FNDC1: variants seen among roughly 807,000 people sequenced by gnomAD.
The protein encoded by FNDC1 is fibronectin type III domain-containing protein 1.
A neutral mutation model predicts 168.0 loss-of-function variants in FNDC1; 96 were observed. That is an observed-to-expected ratio of 0.57 (90% confidence interval 0.48 to 0.68). The LOEUF (loss-of-function observed/expected upper bound fraction) is 0.68, where lower values mean the gene tolerates loss of function less well. Among genes scored for constraint, FNDC1 ranks in the 30% least tolerant of loss-of-function variants. The probability of loss-of-function intolerance (pLI) is 0.00; values close to 1 mark genes in which losing one functional copy is unlikely to be tolerated. For missense variants in FNDC1, 2,587 were observed against 2,482.1 expected (o/e 1.04, Z -0.90); for synonymous variants, 1,099 against 1,025.9 (o/e 1.07, Z -1.36).
chr6:159,267,250 C>T (rs1425988484), intron 21 of FNDC1, among the ~76,000 whole-genome samples: 2 of 151,992 alleles, frequency 1.3e-5, no homozygotes, highest in Non-Finnish European at 2.9e-5. Flanking sequence ...CTTTCTCTTC[C>T]ATCACTGTCC....
chr6:159,210,838 C>T (rs1472039615), intron 4 of FNDC1, among the ~76,000 whole-genome samples: 2 of 152,156 alleles, frequency 1.3e-5, no homozygotes, highest in Admixed American at 1.3e-4. Context: ...TCACTGCTCC[C>T]GGACACACAT....
At position 159,233,053 on chromosome 6, in the gene FNDC1, C is replaced by G. The variant is rs746615997; in HGVS notation, c.2541C>G (p.Ser847Arg). ...IGRGPRLQPS[S>R]SPQSTVPSRA... ...GGGGACCTCGGCTGCAGCCCTCCAGCTCCCCACAGTCGACTGTGCCCTCCC... is the reference window on the plus strand; with the variant it reads ...GGGGACCTCGGCTGCAGCCCTCCAGGTCCCCACAGTCGACTGTGCCCTCCC... Residue 847 changes from serine (S) to arginine (R), a missense_variant, in exon 11 of 23, where the codon AGC becomes AGG. By Grantham distance (110) the Ser-to-Arg change is moderately radical. Transcript: ENST00000297267. This position sits in a 1 kb window ranked among gnomAD's most constrained non-coding sequence, Gnocchi z 4.6. 6.2e-7 allele frequency: 1 copy of G among 1,610,774 alleles called. No homozygotes were observed. Among genetic ancestry groups the G allele is most frequent in the East Asian group, 2.2e-5 (1 of 44,760 alleles).
Position 159,233,752 on chromosome 6 carries a change from C to CG in FNDC1, c.3241dup (p.Asp1081GlyfsTer109). ...ACGAGGATGCCCAGGGCAGCTACGA[C>CG]GACGACAGCACAGAAGTCGAGGCCC... is the stretch of plus-strand genomic sequence containing the variant. On this transcript the variant is annotated frameshift_variant, in exon 11 of 23. Transcript: ENST00000297267. LOFTEE classifies it high-confidence loss of function. This position sits in a 1 kb window ranked among gnomAD's most constrained non-coding sequence, Gnocchi z 4.6. 6.5e-7 allele frequency: 1 copy of CG among 1,548,230 alleles called. No homozygotes were observed. The highest frequency in any genetic ancestry group is 8.7e-7 in the Non-Finnish European group (1 of 1,146,038).
chr6:159,169,637 G>T lies in FNDC1; in HGVS notation c.41G>T (p.Arg14Leu). 8.7e-7 allele frequency: 1 copy of T among 1,148,136 alleles called. No individual in the cohort carries two copies. The highest frequency in any genetic ancestry group is 4.4e-5 in the East Asian group (1 of 22,860). 71.1% of individuals were successfully genotyped at this position (1,148,136 alleles called of 1,614,324 possible). ...EAGATLRAPR[R>L]LSWAALLLLA... ...GGGGCGACCCTGCGCGCGCCGCGCC[G>T]GCTGTCCTGGGCGGCGCTGCTGCTC... Residue 14 changes from arginine (R) to leucine (L), a missense_variant, in exon 1 of 23, where the codon CGG (arginine) becomes CTG (leucine). Transcript: ENST00000297267. This position sits in a 1 kb window ranked among gnomAD's most constrained non-coding sequence, Gnocchi z 6.8.
At chr6:159,195,187 C>A (rs552055747) in intron 1 of FNDC1, among the ~76,000 whole-genome samples, 1 of 152,090 alleles carries the variant, frequency 6.6e-6, no homozygotes, top group African/African-American at 2.4e-5. Flanking sequence ...AAAGAACCTT[C>A]ATTAGGTAAC....
intron 17 of FNDC1, among the ~76,000 whole-genome samples, chr6:159,254,755 T>C (rs1405897346): frequency 6.6e-6 from 1 of 150,410 alleles, no homozygotes; most frequent in African/African-American, 2.4e-5. Flanking sequence ...CTTCCCATCC[T>C]TCCCATTCCC....
chr6:159,186,956 T>G (rs1348558803), intron 1 of FNDC1, among the ~76,000 whole-genome samples: 1 of 152,220 alleles, frequency 6.6e-6, no homozygotes, highest in Non-Finnish European at 1.5e-5. Context: ...CCTTTTTGTC[T>G]GAATAAAATA....
chr6:159,196,517 T>C (rs1364413088), intron 1 of FNDC1, among the ~76,000 whole-genome samples: 3 of 152,230 alleles, frequency 2.0e-5, no homozygotes, highest in African/African-American at 4.8e-5. Flanking sequence ...TCTTCTTCCC[T>C]GAGACTCCAA....
intron 10 of FNDC1, 41 bp from the exon 11 acceptor site, chr6:159,231,841 A>T: frequency 1.3e-6 from 2 of 1,527,144 alleles, no homozygotes; most frequent in Non-Finnish European, 1.8e-6. Flanking sequence ...TTCGCTTTTG[A>T]GTTTCTTCTT....
At chr6:159,178,920 A>G (rs295327) in intron 1 of FNDC1, among the ~76,000 whole-genome samples, 95,938 of 151,724 alleles carry the variant, frequency 0.63, 31,187 homozygotes, top group African/African-American at 0.77. Context: ...CAGCTGCAGC[A>G]ATTCTCGTGA....
At chr6:159,265,386 A>G (rs1293907144) in intron 20 of FNDC1, among the ~76,000 whole-genome samples, 1 of 152,208 alleles carries the variant, frequency 6.6e-6, no homozygotes, top group Non-Finnish European at 1.5e-5. Context: ...CTTGACTGCA[A>G]ATCAGGTCTT....
rs974204826 is a variant in FNDC1, at chr6:159,232,507, G to T, written c.1995G>T (p.Gln665His). 5 of 1,612,052 alleles carry T rather than the reference G, an allele frequency of 3.1e-6. No homozygotes were observed. Among genetic ancestry groups the T allele is most frequent in the Non-Finnish European group, 4.2e-6 (5 of 1,179,218 alleles). The change falls in exon 11 of 23, where the codon CAG becomes CAT. Residue 665 changes from glutamine to histidine, a missense_variant. Physicochemically the swap from Gln to His is conservative, Grantham distance 24. Transcript: ENST00000297267. This position sits in a 1 kb window ranked among gnomAD's most constrained non-coding sequence, Gnocchi z 4.9. ...GSLHPKGAFA[Q>H]PRPALSPSRQ... is the part of the protein sequence containing the mutation. ...TCCACCCCAAGGGCGCCTTCGCCCA[G>T]CCCCGGCCAGCCCTGTCCCCCAGCC...
At position 159,215,025 on chromosome 6, in the gene FNDC1, C is replaced by G. The variant is rs776548524; in HGVS notation, c.541C>G (p.Arg181Gly). The change falls in exon 5 of 23, where the codon CGC becomes GGC. Residue 181 changes from arginine to glycine, a missense_variant. Physicochemically the swap from Arg to Gly is moderately radical, Grantham distance 125. Transcript: ENST00000297267. ...DRLSVAWKAP[R>G]LSGAKSPRRS... ...GCTGTCCGTTGCGTGGAAGGCACCACGCCTGTCTGGAGCCAAGAGTCCACG... is the reference window on the plus strand; with the variant it reads ...GCTGTCCGTTGCGTGGAAGGCACCAGGCCTGTCTGGAGCCAAGAGTCCACG... 3.1e-6 allele frequency: 5 copies of G among 1,613,890 alleles called. No homozygotes were observed. The Admixed American group carries it at 8.3e-5, about 27-fold the overall frequency.
intron 6 of FNDC1, among the ~76,000 whole-genome samples, chr6:159,222,450 C>T (rs1351975630): frequency 6.6e-6 from 1 of 152,164 alleles, no homozygotes; most frequent in African/African-American, 2.4e-5. Context: ...CCTTCCCCTG[C>T]TGGTGGTAAA....
intron 18 of FNDC1, among the ~76,000 whole-genome samples, chr6:159,260,593 A>T (rs1229512479): frequency 3.9e-5 from 6 of 152,184 alleles, no homozygotes; most frequent in Admixed American, 2.0e-4. Flanking sequence ...AGTGTTTCTC[A>T]ATGCACCCAA....
rs1463290574 is a variant in FNDC1 at position 159,233,889 on chromosome 6, G to A, written c.3377G>A (p.Arg1126Lys). Residue 1126 changes from arginine to lysine, a missense_variant, in exon 11 of 23, where the codon AGG becomes AAG. Coordinates refer to ENST00000297267, the MANE Select transcript of FNDC1 (RefSeq NM_032532.3). The surrounding 1 kb of genome is among the most constrained non-coding windows in gnomAD (Gnocchi z 4.6). ...GGCGCAGGGGCAGGTGGCGACCACA[G>A]GTCCCAGCGCGGACATGCGGCCTCC... ...PTGAGAGGDH[R>K]SQRGHAASPA... is the part of the protein sequence containing the mutation. The A allele has an allele frequency of 4.5e-6, 7 of 1,547,240 alleles. No individual in the cohort carries two copies. The Admixed American group carries it at 1.4e-4, about 30-fold the overall frequency.
intron 14 of FNDC1, chr6:159,243,219 A>G (rs1418074373): frequency 6.6e-6 from 1 of 151,882 alleles, no homozygotes; most frequent in Admixed American, 6.6e-5. Flanking sequence ...ATAATAGATG[A>G]TATATATGGA....
At chr6:159,197,026 C>T (rs890872205) in intron 1 of FNDC1, among the ~76,000 whole-genome samples, 4 of 152,050 alleles carry the variant, frequency 2.6e-5, no homozygotes, top group East Asian at 3.8e-4. Context: ...CTGTTCTCTC[C>T]GAGACGTTTA....
chr6:159,260,936 C>A (rs1380230443), intron 18 of FNDC1, among the ~76,000 whole-genome samples: 1 of 152,218 alleles, frequency 6.6e-6, no homozygotes, highest in East Asian at 1.9e-4. Context: ...CAGCAAGCAA[C>A]CTGTGTTCTA....
Sources: allele counts gnomAD v4.1 joint callset (sites outside exome capture counted in the v4.1 genomes callset), GRCh38; gene constraint gnomAD v4.1.1; non-coding constraint Gnocchi (gnomAD v3.1); transcripts MANE v1.5; gene names NCBI Gene and HGNC (gene_info 2026-07-23, HGNC 2026-07-21).